PCDHA3: variants seen among roughly 807,000 people sequenced by gnomAD.
PCDHA3 encodes the protein protocadherin alpha 3, also known as protocadherin alpha-3.
Under a neutral mutation model 62.2 loss-of-function variants are expected in PCDHA3, and 41 were observed. That is an observed-to-expected ratio of 0.66 (90% confidence interval 0.51 to 0.86). The LOEUF (loss-of-function observed/expected upper bound fraction) is 0.86. Among genes scored for constraint, PCDHA3 ranks in the 40% least tolerant of loss-of-function variants. PCDHA3 has a pLI of 0.00. For synonymous variants in PCDHA3, 640 were observed against 555.4 expected (o/e 1.15, Z -2.14); for missense variants, 1,304 against 1,241.2 (o/e 1.05, Z -0.76).
intron 1 of PCDHA3, chr5:140,815,625 G>C (rs1377672978): frequency 2.0e-5 from 3 of 152,002 alleles, no homozygotes; most frequent in African/African-American, 7.2e-5. Context: ...CACCATTACA[G>C]TATTATAGTA....
At chr5:140,883,897 G>A in intron 1 of PCDHA3, 1 of 1,613,332 alleles carries the variant, frequency 6.2e-7, no homozygotes, top group Non-Finnish European at 8.5e-7. Flanking sequence ...CTGGCGTGCC[G>A]CCTCTGGGCA....
intron 1 of PCDHA3, among the ~76,000 whole-genome samples, chr5:140,844,423 T>C (rs1779370902): frequency 6.7e-6 from 1 of 149,538 alleles, no homozygotes; most frequent in South Asian, 2.1e-4. Flanking sequence ...ATGTTTTTTA[T>C]TCTACATGAT....
intron 1 of PCDHA3, among the ~76,000 whole-genome samples, chr5:140,907,449 A>G (rs1554192997): frequency 6.6e-6 from 1 of 152,232 alleles, no homozygotes; most frequent in Admixed American, 6.5e-5. Flanking sequence ...ACAGATGGTA[A>G]TCTTGGCAGA....
chr5:141,011,122 A>G lies in PCDHA3; in HGVS notation c.*1185A>G, dbSNP rs1554263297. On this transcript the variant is annotated 3_prime_UTR_variant, in exon 4 of 4. Transcript: ENST00000522353. ...TCTCTCTCTTTTCTAAGAAACAATT[A>G]TGTGCACTTTGATACACAACCTTCT... 1 of 153,686 alleles carries G rather than the reference A, an allele frequency of 6.5e-6. No homozygotes were observed. Among genetic ancestry groups the G allele is most frequent in the Non-Finnish European group, 1.5e-5 (1 of 68,034 alleles). 9.5% of individuals were successfully genotyped at this position (153,686 alleles called of 1,614,324 possible).
chr5:140,980,901 T>C, intron 2 of PCDHA3, among the ~76,000 whole-genome samples: 1 of 152,218 alleles, frequency 6.6e-6, no homozygotes, highest in East Asian at 1.9e-4. Context: ...TTGGACATCA[T>C]GTAACTATTC....
chr5:140,801,065 T>C lies in PCDHA3; in HGVS notation c.-133T>C, dbSNP rs1762634178. 2 of 1,460,436 alleles carry C rather than the reference T, an allele frequency of 1.4e-6. No homozygotes were observed. Among genetic ancestry groups the C allele is most frequent in the Admixed American group, 5.4e-5 (2 of 37,142 alleles). The allele number at this position is 1,460,436 out of a possible 1,614,324, so 90.5% of individuals were successfully genotyped here. The stretch of plus-strand genomic sequence containing the variant: ...AAGAAATAACAGCGTGCATTACGTA[T>C]TCAGATACTGCTTTGCTTCATCCTC... On this transcript the variant is annotated 5_prime_UTR_variant, in exon 1 of 4. Transcript: ENST00000522353.
intron 1 of PCDHA3, chr5:140,858,284 T>C: frequency 6.3e-7 from 1 of 1,596,754 alleles, no homozygotes; most frequent in South Asian, 1.1e-5. Flanking sequence ...GGTGGGGAGC[T>C]GGTCTTACTC....
At chr5:141,000,993 C>A (rs1273666357) in intron 3 of PCDHA3, among the ~76,000 whole-genome samples, 1 of 151,964 alleles carries the variant, frequency 6.6e-6, no homozygotes, top group Non-Finnish European at 1.5e-5. Context: ...AATAAATATG[C>A]TTTAAATATG....
At chr5:140,819,752 C>T (rs1766615779) in intron 1 of PCDHA3, among the ~76,000 whole-genome samples, 1 of 151,974 alleles carries the variant, frequency 6.6e-6, no homozygotes, top group Admixed American at 6.5e-5. Context: ...AGTCAAGAGT[C>T]TTGTTTCCTC....
At position 140,850,184 on chromosome 5, in the gene PCDHA3, G is replaced by A. The variant is rs2150471787; in HGVS notation, c.2394+46593G>A. 1.2e-5 allele frequency: 19 copies of A among 1,593,814 alleles called. 2 individuals carry two copies. The highest frequency in any genetic ancestry group is 4.5e-5 in the East Asian group (2 of 44,826). ...TGCTGGACGAGAACGACAATGCGCC[G>A]GCGCTGCTGACACCTCGGATGAGGG... On this transcript the variant is annotated intron_variant, in intron 1 of 3. Coordinates refer to ENST00000522353, the MANE Select transcript of PCDHA3 (RefSeq NM_018906.3).
chr5:140,967,104 A>T (rs374744732), intron 1 of PCDHA3: 3 of 1,613,028 alleles, frequency 1.9e-6, no homozygotes, highest in Non-Finnish European at 2.5e-6. Context: ...CTGTGTGAGC[A>T]GCGGCCTCGC....
At chr5:140,856,951 A>G in intron 1 of PCDHA3, 2 of 1,593,156 alleles carry the variant, frequency 1.3e-6, no homozygotes, top group Non-Finnish European at 1.7e-6. Context: ...CGGGAGAAAT[A>G]AAAGTAAATG....
At chr5:140,937,839 A>G (rs2091791639) in intron 1 of PCDHA3, among the ~76,000 whole-genome samples, 1 of 150,456 alleles carries the variant, frequency 6.6e-6, no homozygotes, top group Non-Finnish European at 1.5e-5. Flanking sequence ...ATGAACCTGG[A>G]AGGCGGAACT....
chr5:140,807,789 A>T, intron 1 of PCDHA3: 1 of 1,614,162 alleles, frequency 6.2e-7, no homozygotes, highest in Non-Finnish European at 8.5e-7. Flanking sequence ...AAATCTTTAG[A>T]CAGAGAAGAA....
chr5:140,853,840 A>G, intron 1 of PCDHA3: 1 of 986,846 alleles, frequency 1.0e-6, no homozygotes, highest in Non-Finnish European at 1.2e-6. Flanking sequence ...GAAATTTTAG[A>G]TCCATAGCCC....
At chr5:140,967,980 A>C in intron 1 of PCDHA3, 1 of 1,614,198 alleles carries the variant, frequency 6.2e-7, no homozygotes, top group South Asian at 1.1e-5. Context: ...CTGGGTCTGG[A>C]GGCCACACTG....
chr5:140,993,906 C>T (rs1245923228), intron 3 of PCDHA3, among the ~76,000 whole-genome samples: 1 of 152,088 alleles, frequency 6.6e-6, no homozygotes, highest in Non-Finnish European at 1.5e-5. Flanking sequence ...AACAAAAATG[C>T]CTAGTGATGC....
At chr5:140,831,694 A>G (rs1771669768) in intron 1 of PCDHA3, among the ~76,000 whole-genome samples, 1 of 152,076 alleles carries the variant, frequency 6.6e-6, no homozygotes. Context: ...AAAGCAGCAA[A>G]AAGTAGTGAT....
chr5:140,841,402 G>A (rs2150314669), intron 1 of PCDHA3: 15 of 1,613,154 alleles, frequency 9.3e-6, no homozygotes, highest in Non-Finnish European at 1.3e-5. Flanking sequence ...GGAAGGTGGG[G>A]AGCGGCCAGC....
Sources: gnomAD v4.1 joint callset for allele counts (sites outside exome capture counted in the v4.1 genomes callset) on GRCh38, gnomAD v4.1.1 for gene constraint, MANE v1.5 for transcripts, NCBI Gene and HGNC (gene_info 2026-07-23, HGNC 2026-07-21) for gene names.